Variants in PCDH11X observed in about 807,000 individuals in gnomAD.
PCDH11X encodes protocadherin-11 X-linked.
Under a neutral mutation model 53.3 loss-of-function variants are expected in PCDH11X, and 18 were observed. The ratio of observed to expected loss-of-function variants is 0.34; its 90% CI spans 0.23 to 0.50. The LOEUF is 0.50. Ranked by LOEUF, PCDH11X falls within the 20% of genes least tolerant of loss-of-function variation. The pLI is 0.98. For synonymous variants in PCDH11X, 279 were observed against 393.3 expected (o/e 0.71, Z 3.44); for missense variants, 570 against 1,032.4 (o/e 0.55, Z 6.14).
chrX:92,427,330 A>G (rs1490183845), intron 9 of PCDH11X, among the ~76,000 whole-genome samples: 1 of 93,409 alleles, frequency 1.1e-5, no homozygotes, highest in Non-Finnish European at 2.1e-5. Flanking sequence ...ACAGAAAGCA[A>G]TAACAGTAAC....
At chrX:92,217,028 T>G (rs1390073601) in intron 7 of PCDH11X, among the ~76,000 whole-genome samples, 4 of 110,766 alleles carry the variant, frequency 3.6e-5, no homozygotes, top group Admixed American at 1.9e-4. Context: ...CACCAGGCCT[T>G]CTCTAAAAGA....
At chrX:92,067,944 G>A in intron 6 of PCDH11X, among the ~76,000 whole-genome samples, 1 of 110,661 alleles carries the variant, frequency 9.0e-6, no homozygotes, top group Non-Finnish European at 1.9e-5. Context: ...CCAATTTAAA[G>A]GCATGTAGTT....
chrX:92,549,361 T>G (rs1158067239), intron 10 of PCDH11X, among the ~76,000 whole-genome samples: 1 of 104,246 alleles, frequency 9.6e-6, no homozygotes, highest in Non-Finnish European at 2.0e-5. Context: ...GAAAGTATCA[T>G]GATTTCAGTT....
chrX:92,525,807 G>T (rs1044994190), intron 10 of PCDH11X, among the ~76,000 whole-genome samples: 2 of 110,984 alleles, frequency 1.8e-5, no homozygotes, highest in Admixed American at 1.9e-4. Flanking sequence ...CCATTTAAAA[G>T]AAAAATATTT....
chrX:92,406,086 G>C (rs1414962751), intron 9 of PCDH11X, among the ~76,000 whole-genome samples: 1 of 70,498 alleles, frequency 1.4e-5, no homozygotes, highest in Admixed American at 2.0e-4. Context: ...GCAACAGAGT[G>C]AGACTCTGTC....
chrX:92,413,575 C>A (rs906893318), intron 9 of PCDH11X, among the ~76,000 whole-genome samples: 6 of 96,233 alleles, frequency 6.2e-5, no homozygotes, highest in Admixed American at 4.5e-4. Flanking sequence ...CATAGTCTCT[C>A]AATACTATGA....
At chrX:92,272,956 C>A (rs1322376575) in intron 8 of PCDH11X, among the ~76,000 whole-genome samples, 1 of 112,748 alleles carries the variant, frequency 8.9e-6, no homozygotes, top group Non-Finnish European at 1.9e-5. Context: ...TACTTAGATT[C>A]TCCATCTGGC....
intron 10 of PCDH11X, among the ~76,000 whole-genome samples, chrX:92,527,084 A>G (rs1008812594): frequency 2.7e-5 from 3 of 111,584 alleles, no homozygotes; most frequent in East Asian, 5.7e-4. Context: ...GAACTCAGGA[A>G]CGTAGAAAGT....
At chrX:91,929,850 A>G (rs1012040333) in intron 6 of PCDH11X, among the ~76,000 whole-genome samples, 19 of 111,049 alleles carry the variant, frequency 1.7e-4, no homozygotes, top group African/African-American at 6.2e-4. Context: ...CTTGACTTCT[A>G]TCAATGTTTT....
At chrX:92,228,850 G>T (rs2067017084) in intron 7 of PCDH11X, among the ~76,000 whole-genome samples, 3 of 111,652 alleles carry the variant, frequency 2.7e-5, no homozygotes. Context: ...CTGAAAAGTG[G>T]TGATTAACTT....
At chrX:92,247,908 G>T (rs779052899) in intron 7 of PCDH11X, among the ~76,000 whole-genome samples, 28 of 104,687 alleles carry the variant, frequency 2.7e-4, no homozygotes, top group African/African-American at 1.0e-3. Context: ...TGAGTTGATA[G>T]TATTGAGACA....
intron 4 of PCDH11X, among the ~76,000 whole-genome samples, chrX:91,821,541 T>C (rs1259107967): frequency 1.8e-5 from 2 of 110,381 alleles, no homozygotes; most frequent in African/African-American, 6.7e-5. Context: ...GAGACTTTGC[T>C]GAAGTTGTTT....
intron 7 of PCDH11X, among the ~76,000 whole-genome samples, chrX:92,234,817 T>G (rs1375643553): frequency 9.0e-6 from 1 of 111,436 alleles, no homozygotes; most frequent in Non-Finnish European, 1.9e-5. Context: ...TACACACATG[T>G]TCAGGAGGAA....
chrX:91,978,906 A>G (rs2062084050), intron 6 of PCDH11X, among the ~76,000 whole-genome samples: 1 of 111,750 alleles, frequency 8.9e-6, no homozygotes, highest in Non-Finnish European at 1.9e-5. Context: ...TTCTAGAGCT[A>G]TCTCTGATGA....
intron 8 of PCDH11X, among the ~76,000 whole-genome samples, chrX:92,350,619 T>C (rs1353795232): frequency 8.9e-6 from 1 of 111,858 alleles, no homozygotes; most frequent in East Asian, 2.9e-4. Context: ...CCAGGTCCTG[T>C]AGGAGCAATC....
chrX:92,180,399 T>C (rs1385006524), intron 6 of PCDH11X, among the ~76,000 whole-genome samples: 69 of 111,270 alleles, frequency 6.2e-4, no homozygotes, highest in Non-Finnish European at 1.9e-4. Flanking sequence ...CATTCGTTTT[T>C]ACTCTCCTTT....
intron 10 of PCDH11X, among the ~76,000 whole-genome samples, chrX:92,566,938 G>C (rs1177844611): frequency 9.2e-6 from 1 of 108,723 alleles, no homozygotes; most frequent in Non-Finnish European, 1.9e-5. Flanking sequence ...CTTCACCAGA[G>C]ATAAGAAGTG....
chrX:92,255,912 G>A (rs2067568481), intron 7 of PCDH11X, among the ~76,000 whole-genome samples: 1 of 112,631 alleles, frequency 8.9e-6, no homozygotes, highest in Admixed American at 9.3e-5. Flanking sequence ...GCCCCCAGAG[G>A]TGGAGCCTAC....
At chrX:92,341,510 G>T (rs891152819) in intron 8 of PCDH11X, among the ~76,000 whole-genome samples, 10 of 111,542 alleles carry the variant, frequency 9.0e-5, no homozygotes, top group African/African-American at 2.6e-4. Context: ...TAACCATGAG[G>T]TTGGCATCTG....
Sources: allele counts gnomAD v4.1 joint callset (sites outside exome capture counted in the v4.1 genomes callset), GRCh38; gene constraint gnomAD v4.1.1; transcripts MANE v1.5; gene names NCBI Gene and HGNC (gene_info 2026-07-23, HGNC 2026-07-21).